Variants in FAM98B observed in about 807,000 individuals in gnomAD.
FAM98B encodes tRNA splicing ligase complex subunit 3B, also known as tRNA-splicing ligase complex subunit FAM98B.
A neutral mutation model predicts 43.9 loss-of-function variants in FAM98B; 32 were observed. The observed-to-expected ratio is 0.73, with a 90% confidence interval of 0.55 to 0.98. The LOEUF is 0.98. FAM98B is among the 50% of genes least tolerant of loss of function. The pLI, the probability that FAM98B is intolerant of heterozygous loss-of-function variation, is 0.00. For synonymous variants in FAM98B, 190 were observed against 174.0 expected, an observed-to-expected ratio of 1.09 and a Z score of -0.72; for missense variants, 514 against 522.9, an observed-to-expected ratio of 0.98 and a Z score of 0.17.
intron 6 of FAM98B, among the ~76,000 whole-genome samples, chr15:38,477,290 T>G (rs925500882): frequency 1.3e-5 from 2 of 149,772 alleles, no homozygotes; most frequent in Non-Finnish European, 3.0e-5. Context: ...CTCAGGAAGA[T>G]AAACCTCATT....
In FAM98B at chr15:38,484,379, G is replaced by C; in HGVS notation, c.1022G>C (p.Gly341Ala). Residue 341 changes from glycine (G) to alanine (A), a missense_variant, in exon 8 of 8, where the codon GGT becomes GCT. By Grantham distance (60) the Gly-to-Ala change is moderately conservative. This residue lies in a region of FAM98B where 469 missense variants were observed against 451.8 expected (regional missense o/e 1.04). Coordinates refer to ENST00000397609, the MANE Select transcript of FAM98B (RefSeq NM_173611.4). ...GGGGRGGWGG[G>A]GGGGGRGGGG... is the part of the protein sequence containing the mutation. ...GGTGGAAGGGGTGGTTGGGGTGGTG[G>C]TGGTGGAGGTGGTGGTAGAGGAGGT... The C allele has an allele frequency of 1.3e-6, 2 of 1,484,544 alleles. No homozygotes were observed. The highest frequency in any genetic ancestry group is 1.8e-6 in the Non-Finnish European group (2 of 1,120,204). The allele number at this position is 1,484,544 out of a possible 1,614,324, so 92.0% of individuals were successfully genotyped here. A position where few individuals can be genotyped will look rare whatever the true frequency, so the allele number is the denominator to read the frequency against.
rs982445976 is a variant in FAM98B at position 38,485,351 on chromosome 15, A to G, written c.*692A>G. 6.6e-6 allele frequency: 1 copy of G among 152,302 alleles called. No homozygotes were observed. Among genetic ancestry groups the G allele is most frequent in the African/African-American group, 2.4e-5 (1 of 41,476 alleles). 9.4% of individuals were successfully genotyped at this position (152,302 alleles called of 1,614,324 possible). On this transcript the variant is annotated 3_prime_UTR_variant, in exon 8 of 8. Transcript: ENST00000397609. ...TAAGATTGAGGTCAGAAATACTTTA[A>G]TGGAGCAAAGACACATACCAACTTT...
chr15:38,473,793 T>G (rs980199854), intron 5 of FAM98B, among the ~76,000 whole-genome samples: 2 of 152,224 alleles, frequency 1.3e-5, no homozygotes, highest in Non-Finnish European at 2.9e-5. Flanking sequence ...ATATTGATAG[T>G]GCTCAATGTG....
At chr15:38,476,703 CT>C (rs375386545) in intron 6 of FAM98B, among the ~76,000 whole-genome samples, 28,004 of 127,686 alleles carry the variant, frequency 0.22, 2,621 homozygotes, top group Middle Eastern at 0.27. Context: ...AGAAACTTTG[CT>C]TTTTTTTTTT....
In FAM98B at chr15:38,484,884, TTG is replaced by T; in HGVS notation, c.*229_*230del. On this transcript the variant is annotated 3_prime_UTR_variant, in exon 8 of 8. Transcript: ENST00000397609. The stretch of plus-strand genomic sequence containing the variant: ...CATATTCTGTGTACCCTTGAGCATG[TTG>T]TGTCTTTTTAAAAAACAAAAAAAAG... The T allele has an allele frequency of 1.8e-6, 1 of 561,768 alleles. No homozygotes were observed. Among genetic ancestry groups the T allele is most frequent in the Non-Finnish European group, 2.7e-6 (1 of 375,506 alleles). The allele number at this position is 561,768 out of a possible 1,614,324, so 34.8% of individuals were successfully genotyped here. A position where few individuals can be genotyped will look rare whatever the true frequency, so the allele number is the denominator to read the frequency against.
chr15:38,462,266 A>G (rs545639817), intron 1 of FAM98B, among the ~76,000 whole-genome samples: 4 of 152,310 alleles, frequency 2.6e-5, no homozygotes, highest in Admixed American at 6.5e-5. Flanking sequence ...CCCCAAACTA[A>G]TAAATATGGT....
At chr15:38,458,990 A>G (rs1347152162) in intron 1 of FAM98B, 7 of 373,886 alleles carry the variant, frequency 1.9e-5, no homozygotes. Flanking sequence ...GAACCACAGG[A>G]CTCATGGAAT....
chr15:38,459,357 C>A, intron 1 of FAM98B: 3 of 456,204 alleles, frequency 6.6e-6, no homozygotes, highest in Admixed American at 4.6e-5. Flanking sequence ...TTGGCTTCCT[C>A]CTTATATGGA....
At chr15:38,475,328 T>C (rs998934308) in intron 6 of FAM98B, among the ~76,000 whole-genome samples, 4 of 152,158 alleles carry the variant, frequency 2.6e-5, no homozygotes, top group African/African-American at 9.7e-5. Context: ...TTCCATGTGA[T>C]ATATTAGTTT....
intron 3 of FAM98B, among the ~76,000 whole-genome samples, chr15:38,469,173 T>TGG (rs1332824611): frequency 6.6e-6 from 1 of 150,764 alleles, no homozygotes; most frequent in Non-Finnish European, 1.5e-5. Context: ...CCCAAAGTGC[T>TGG]GGGATTATAG....
Position 38,482,593 on chromosome 15 carries a change from TCTCA to T in FAM98B, c.897+1137_897+1140del, listed in dbSNP as rs1026097168. 15 of 152,232 alleles carry T rather than the reference TCTCA, an allele frequency of 9.9e-5. 1 individual carries two copies. Among genetic ancestry groups the T allele is most frequent in the African/African-American group, 3.6e-4 (15 of 41,456 alleles). The allele number at this position is 152,232 out of a possible 1,614,324, so 9.4% of individuals were successfully genotyped here. On this transcript the variant is annotated intron_variant, in intron 7 of 7. Coordinates refer to ENST00000397609, the MANE Select transcript of FAM98B (RefSeq NM_173611.4). ...AGAATGTTGCATACTTAGAACCTTGTCTCACTTTGAGGATATTGCACTTTTTATA... is the reference window on the plus strand; with the variant it reads ...AGAATGTTGCATACTTAGAACCTTGTCTTTGAGGATATTGCACTTTTTATA...
intron 6 of FAM98B, among the ~76,000 whole-genome samples, chr15:38,474,629 G>T (rs1270539234): frequency 6.6e-6 from 1 of 152,206 alleles, no homozygotes; most frequent in Non-Finnish European, 1.5e-5. Context: ...AAGAATAGTT[G>T]CAGGTAGTAC....
intron 1 of FAM98B, among the ~76,000 whole-genome samples, chr15:38,462,196 T>C (rs1033927895): frequency 6.6e-6 from 1 of 152,182 alleles, no homozygotes; most frequent in Non-Finnish European, 1.5e-5. Context: ...GGCTACCTTT[T>C]ATCTGGAAAA....
chr15:38,454,158 G>A lies in FAM98B; in HGVS notation c.-4G>A, dbSNP rs772584658. 1 of 1,594,316 alleles carries A rather than the reference G, an allele frequency of 6.3e-7. No individual in the cohort carries two copies. Among genetic ancestry groups the A allele is most frequent in the Non-Finnish European group, 8.5e-7 (1 of 1,172,050 alleles). On this transcript the variant is annotated 5_prime_UTR_variant, in exon 1 of 8. Transcript: ENST00000397609. ...AGCGCCGAACAGCTCTGGGCCAAAG[G>A]ACCATGAGAGGGCCGGAGCCGGGTC...
At chr15:38,463,980 T>C in intron 1 of FAM98B, 52 bp from the exon 2 acceptor site, 1 of 1,532,142 alleles carries the variant, frequency 6.5e-7, no homozygotes, top group South Asian at 1.3e-5. Context: ...GTTGGAGGTT[T>C]TTTTGTTTGA....
chr15:38,484,050 T>TG (rs1329281193), intron 7 of FAM98B, among the ~76,000 whole-genome samples: 2 of 152,014 alleles, frequency 1.3e-5, no homozygotes, highest in Admixed American at 6.5e-5. Flanking sequence ...TTATTACTTC[T>TG]GTCTAGCCGT....
chr15:38,454,973 C>CT (rs1230287412), intron 1 of FAM98B, among the ~76,000 whole-genome samples: 6 of 152,150 alleles, frequency 3.9e-5, no homozygotes, highest in Admixed American at 6.5e-5. Flanking sequence ...GGTTCGTAAT[C>CT]TCCCCCTCAA....
At chr15:38,454,655 T>A (rs1292862948) in intron 1 of FAM98B, among the ~76,000 whole-genome samples, 1 of 152,216 alleles carries the variant, frequency 6.6e-6, no homozygotes, top group Non-Finnish European at 1.5e-5. Flanking sequence ...TGTGGCTTAC[T>A]TGGGGCTCTG....
chr15:38,475,655 C>A (rs890928730), intron 6 of FAM98B, among the ~76,000 whole-genome samples: 1 of 152,036 alleles, frequency 6.6e-6, no homozygotes, highest in Non-Finnish European at 1.5e-5. Flanking sequence ...TTATGAGAAC[C>A]CTTGTGATTA....
Sources: allele counts gnomAD v4.1 joint callset (sites outside exome capture counted in the v4.1 genomes callset), GRCh38; gene constraint gnomAD v4.1.1; regional missense constraint gnomAD v4.1.1; transcripts MANE v1.5; gene names NCBI Gene and HGNC (gene_info 2026-07-23, HGNC 2026-07-21).